The following ROBO2 variants were observed in gnomAD, a reference collection of about 807,000 sequenced individuals.
ROBO2 encodes roundabout guidance receptor 2.
In ROBO2, 53 loss-of-function variants were observed where a neutral mutation model predicts 160.8. The ratio of observed to expected loss-of-function variants is 0.33; its 90% CI spans 0.26 to 0.41. The LOEUF is 0.41. ROBO2 is among the 10% of genes least tolerant of loss of function. The pLI, the probability that ROBO2 is intolerant of heterozygous loss-of-function variation, is 1.00. For synonymous variants in ROBO2, 664 were observed against 611.7 expected (o/e 1.09, Z -1.26); for missense variants, 1,577 against 1,722.4 (o/e 0.92, Z 1.49).
chr3:76,336,871 TTAAG>T (rs1477881386), intron 2 of ROBO2, among the ~76,000 whole-genome samples: 2 of 152,156 alleles, frequency 1.3e-5, no homozygotes, highest in Non-Finnish European at 2.9e-5. Flanking sequence ...ATGAACTACT[TTAAG>T]TATATATTTA....
intron 2 of ROBO2, among the ~76,000 whole-genome samples, chr3:76,703,118 A>T (rs2093082012): frequency 6.6e-6 from 1 of 152,134 alleles, no homozygotes; most frequent in African/African-American, 2.4e-5. Flanking sequence ...ATATCCAGAC[A>T]AATTCAGTAA....
At chr3:76,883,082 C>T (rs189454728) in intron 2 of ROBO2, among the ~76,000 whole-genome samples, 77 of 152,164 alleles carry the variant, frequency 5.1e-4, no homozygotes, top group Non-Finnish European at 9.6e-4. Context: ...CGTTAGATAA[C>T]CTATTTTAGG....
At chr3:76,575,471 G>A (rs1032158302) in intron 2 of ROBO2, among the ~76,000 whole-genome samples, 3 of 151,718 alleles carry the variant, frequency 2.0e-5, no homozygotes, top group Non-Finnish European at 4.4e-5. Flanking sequence ...CTAATTATAC[G>A]GTTTTTGAAA....
intron 2 of ROBO2, among the ~76,000 whole-genome samples, chr3:76,216,621 A>T (rs972870908): frequency 7.9e-5 from 12 of 152,210 alleles, no homozygotes; most frequent in Non-Finnish European, 1.5e-4. Flanking sequence ...TCTCCTAAAT[A>T]TATATGCACC....
At chr3:76,607,121 A>G (rs2087727162) in intron 2 of ROBO2, among the ~76,000 whole-genome samples, 1 of 151,946 alleles carries the variant, frequency 6.6e-6, no homozygotes, top group African/African-American at 2.4e-5. Flanking sequence ...AGATGTGATC[A>G]TGGTGCACTG....
At chr3:77,461,301 A>G (rs1035947126) in intron 2 of ROBO2, among the ~76,000 whole-genome samples, 1 of 152,000 alleles carries the variant, frequency 6.6e-6, no homozygotes, top group Non-Finnish European at 1.5e-5. Flanking sequence ...GTTACCTCTC[A>G]GTATGCATTT....
intron 2 of ROBO2, among the ~76,000 whole-genome samples, chr3:76,760,922 T>C (rs556589977): frequency 1.3e-5 from 2 of 151,814 alleles, no homozygotes; most frequent in East Asian, 3.9e-4. Context: ...CCTTGTATCT[T>C]TTTTTTATAC....
intron 2 of ROBO2, among the ~76,000 whole-genome samples, chr3:77,199,382 G>A (rs901033407): frequency 3.3e-5 from 5 of 152,192 alleles, no homozygotes; most frequent in Non-Finnish European, 7.3e-5. Context: ...GCAGATGGTA[G>A]GAGCAGACAC....
chr3:77,310,648 G>T (rs2063466266), intron 2 of ROBO2, among the ~76,000 whole-genome samples: 1 of 152,044 alleles, frequency 6.6e-6, no homozygotes, highest in Non-Finnish European at 1.5e-5. Flanking sequence ...AAATTAAATG[G>T]TATGGTGCAA....
intron 2 of ROBO2, among the ~76,000 whole-genome samples, chr3:76,223,308 C>A (rs1704086777): frequency 6.6e-6 from 1 of 151,794 alleles, no homozygotes; most frequent in Non-Finnish European, 1.5e-5. Flanking sequence ...GAGGCCATTA[C>A]TGTTTCCTGG....
intron 2 of ROBO2, among the ~76,000 whole-genome samples, chr3:76,909,584 T>C (rs2075839026): frequency 6.6e-6 from 1 of 152,204 alleles, no homozygotes; most frequent in Non-Finnish European, 1.5e-5. Flanking sequence ...TCAAAAAGAA[T>C]TTAACCTCAG....
chr3:77,092,774 C>A (rs776535144), intron 1 of ROBO2, among the ~76,000 whole-genome samples: 1 of 149,994 alleles, frequency 6.7e-6, no homozygotes, highest in Non-Finnish European at 1.5e-5. Context: ...TTTCATACAT[C>A]GCTTAGTATA....
At chr3:77,443,350 G>A (rs1377397009) in intron 2 of ROBO2, among the ~76,000 whole-genome samples, 1 of 151,524 alleles carries the variant, frequency 6.6e-6, no homozygotes, top group African/African-American at 2.4e-5. Context: ...AGCTTAACAT[G>A]GATTTTTTTC....
At chr3:77,453,528 A>T (rs2081320288) in intron 2 of ROBO2, among the ~76,000 whole-genome samples, 1 of 152,090 alleles carries the variant, frequency 6.6e-6, no homozygotes, top group Non-Finnish European at 1.5e-5. Flanking sequence ...ATCTACTCTG[A>T]TTTCCTCAAT....
At chr3:77,493,067 T>A (rs1412555687) in intron 4 of ROBO2, among the ~76,000 whole-genome samples, 177 bp from the exon 5 acceptor site, 1 of 152,192 alleles carries the variant, frequency 6.6e-6, no homozygotes, top group Non-Finnish European at 1.5e-5. Flanking sequence ...TTCCAAAATA[T>A]CTTATTTTAT....
intron 2 of ROBO2, among the ~76,000 whole-genome samples, chr3:76,590,987 T>C (rs1243149186): frequency 1.3e-5 from 2 of 152,242 alleles, no homozygotes; most frequent in Admixed American, 1.3e-4. Context: ...TTTTAATATA[T>C]AGTCAATCTT....
chr3:77,065,450 T>C (rs1330688870), intron 1 of ROBO2, among the ~76,000 whole-genome samples: 2 of 152,164 alleles, frequency 1.3e-5, no homozygotes, highest in African/African-American at 2.4e-5. Context: ...CTAAACCCAA[T>C]TACCTGTCAT....
chr3:77,540,392 C>T (rs1188908086), intron 6 of ROBO2, among the ~76,000 whole-genome samples: 2 of 152,162 alleles, frequency 1.3e-5, no homozygotes, highest in African/African-American at 4.8e-5. Context: ...AATCTGGCAT[C>T]TCAGTGTTTA....
intron 2 of ROBO2, among the ~76,000 whole-genome samples, chr3:77,180,627 A>T (rs2080684819): frequency 6.6e-6 from 1 of 151,396 alleles, no homozygotes; most frequent in Non-Finnish European, 1.5e-5. Flanking sequence ...AATGAAAAAA[A>T]GACTGTAAAT....
Sources: gnomAD v4.1 joint callset for allele counts (sites outside exome capture counted in the v4.1 genomes callset) on GRCh38, gnomAD v4.1.1 for gene constraint, MANE v1.5 for transcripts, NCBI Gene and HGNC (gene_info 2026-07-23, HGNC 2026-07-21) for gene names.